CUL2: variants seen among roughly 807,000 people sequenced by gnomAD.
CUL2 encodes the protein cullin 2.
A neutral mutation model predicts 110.2 loss-of-function variants in CUL2; 22 were observed. The ratio of observed to expected loss-of-function variants is 0.20; its 90% CI spans 0.14 to 0.28. The LOEUF is 0.28. CUL2 is among the 10% of genes least tolerant of loss of function. The pLI, the probability that CUL2 is intolerant of heterozygous loss-of-function variation, is 1.00. For missense variants in CUL2, 631 were observed against 905.5 expected (o/e 0.70, Z 3.89); for synonymous variants, 279 against 293.2 (o/e 0.95, Z 0.49).
At position 35,010,259 on chromosome 10, in the gene CUL2, A is replaced by T; in HGVS notation, c.*52T>A. 6.6e-7 allele frequency: 1 copy of T among 1,525,456 alleles called. No individual in the cohort carries two copies. Among genetic ancestry groups the T allele is most frequent in the South Asian group, 1.3e-5 (1 of 76,574 alleles). The allele number at this position is 1,525,456 out of a possible 1,614,324, so 94.5% of individuals were successfully genotyped here. ...GTCCTGCTTTTTCCCACAGGAACACACCAAATGGTGATGGCAATGATCTTC... is the reference window on the plus strand; with the variant it reads ...GTCCTGCTTTTTCCCACAGGAACACTCCAAATGGTGATGGCAATGATCTTC... On this transcript the variant is annotated 3_prime_UTR_variant, in exon 21 of 21. Transcript: ENST00000374749.
chr10:35,044,705 A>C (rs2085889971), intron 7 of CUL2, 29 bp from the exon 8 acceptor site: 7 of 1,584,216 alleles, frequency 4.4e-6, no homozygotes, highest in Middle Eastern at 1.7e-4. Context: ...TCATATTAGA[A>C]GAAATTAGAA....
At chr10:35,055,148 A>C (rs2086211053) in intron 4 of CUL2, among the ~76,000 whole-genome samples, 1 of 152,256 alleles carries the variant, frequency 6.6e-6, no homozygotes, top group African/African-American at 2.4e-5. Flanking sequence ...AAATAAAATA[A>C]AACATGGAGA....
chr10:35,122,483 A>G (rs2087688695), intron 1 of CUL2, among the ~76,000 whole-genome samples: 1 of 152,220 alleles, frequency 6.6e-6, no homozygotes, highest in African/African-American at 2.4e-5. Flanking sequence ...AAGTCAACAA[A>G]CAAACTTGGC....
At chr10:35,066,513 T>C (rs1050827148) in intron 2 of CUL2, among the ~76,000 whole-genome samples, 2 of 152,174 alleles carry the variant, frequency 1.3e-5, no homozygotes, top group South Asian at 4.1e-4. Context: ...TTGGCCAGGC[T>C]GGTCTCAAAC....
At chr10:35,108,599 A>G (rs1407086391) in intron 1 of CUL2, among the ~76,000 whole-genome samples, 1 of 152,240 alleles carries the variant, frequency 6.6e-6, no homozygotes. Context: ...TATCAAAGAT[A>G]ATACCTGTTT....
upstream of CUL2, among the ~76,000 whole-genome samples, chr10:35,090,927 C>A (rs180988834): frequency 2.6e-5 from 4 of 152,330 alleles, no homozygotes; most frequent in African/African-American, 7.2e-5. Flanking sequence ...CTTCCATGGG[C>A]TTTGCAAATG....
chr10:35,077,751 G>T (rs1221365215), intron 1 of CUL2, among the ~76,000 whole-genome samples: 1 of 151,108 alleles, frequency 6.6e-6, no homozygotes, highest in East Asian at 1.9e-4. Flanking sequence ...CAGGAGGCGG[G>T]GGTTGCGGTG....
At chr10:35,089,709 A>G (rs1390274536) in intron 1 of CUL2, among the ~76,000 whole-genome samples, 3 of 152,224 alleles carry the variant, frequency 2.0e-5, no homozygotes, top group Non-Finnish European at 4.4e-5. Flanking sequence ...GGTTGAGACA[A>G]GAAGTCTAGC....
chr10:35,031,704 T>G lies in CUL2; in HGVS notation c.1171-85A>C. On this transcript the variant is annotated intron_variant, in intron 12 of 20. Coordinates refer to ENST00000374749, the MANE Select transcript of CUL2 (RefSeq NM_003591.4). This position sits in a 1 kb window ranked among gnomAD's most constrained non-coding sequence, Gnocchi z 4.4. ...AAGGAGGCAAAGTGGTGATACAAGGTAAGATCAGCGGACAGAATTTTTGCT... is the reference window on the plus strand; with the variant it reads ...AAGGAGGCAAAGTGGTGATACAAGGGAAGATCAGCGGACAGAATTTTTGCT... 1 of 1,460,902 alleles carries G rather than the reference T, an allele frequency of 6.8e-7. No individual in the cohort carries two copies. The highest frequency in any genetic ancestry group is 2.3e-5 in the East Asian group (1 of 43,864). The allele number at this position is 1,460,902 out of a possible 1,614,324, so 90.5% of individuals were successfully genotyped here. A position where few individuals can be genotyped will look rare whatever the true frequency, so the allele number is the denominator to read the frequency against.
At chr10:35,030,771 T>C (rs541806357) in intron 14 of CUL2, among the ~76,000 whole-genome samples, 1 of 152,298 alleles carries the variant, frequency 6.6e-6, no homozygotes, top group East Asian at 1.9e-4. Context: ...TGCACACCTA[T>C]TGTCCCAGCT....
At chr10:35,098,255 A>G (rs865955701) in intron 2 of CUL2, 12 of 152,196 alleles carry the variant, frequency 7.9e-5, no homozygotes, top group Non-Finnish European at 5.9e-5. Context: ...AAAAGAACTC[A>G]TTTTGAGGAA....
At chr10:35,097,148 T>C (rs2135099317) in intron 2 of CUL2, among the ~76,000 whole-genome samples, 1 of 152,252 alleles carries the variant, frequency 6.6e-6, no homozygotes, top group African/African-American at 2.4e-5. Flanking sequence ...TTATCTTATG[T>C]AAACTGTAGA....
At chr10:35,044,009 C>T (rs1299074996) in intron 8 of CUL2, among the ~76,000 whole-genome samples, 1 of 145,106 alleles carries the variant, frequency 6.9e-6, no homozygotes, top group African/African-American at 2.5e-5. Context: ...CATGATCAAG[C>T]CACTGCACTC....
At chr10:35,033,143 G>A in intron 11 of CUL2, 23 bp downstream of exon 11, 1 of 1,356,990 alleles carries the variant, frequency 7.4e-7, no homozygotes, top group Non-Finnish European at 1.1e-6. Context: ...TACATATATA[G>A]TATATATGTA....
chr10:35,052,093 C>T (rs1286490579), intron 5 of CUL2, among the ~76,000 whole-genome samples: 1 of 152,100 alleles, frequency 6.6e-6, no homozygotes, highest in Non-Finnish European at 1.5e-5. Context: ...GTACTGAAAA[C>T]CAATTTTTTG....
At chr10:35,033,552 C>T (rs188318011) in intron 10 of CUL2, among the ~76,000 whole-genome samples, 14 of 151,778 alleles carry the variant, frequency 9.2e-5, no homozygotes, top group East Asian at 3.9e-4. Flanking sequence ...CTGGCCAACA[C>T]GGTGAAACCC....
rs2085702264 is a variant in CUL2, at chr10:35,038,860, G to A, written c.877+60C>T. On this transcript the variant is annotated intron_variant, in intron 9 of 20. Coordinates refer to ENST00000374749, the MANE Select transcript of CUL2 (RefSeq NM_003591.4). ...ATAGGCATTAAATCAAGGGTGACTA[G>A]AGGATGATATAAAAGGTGGATTTAT... 3.5e-6 allele frequency: 4 copies of A among 1,135,564 alleles called. No homozygotes were observed. In the Admixed American group the frequency reaches 1.0e-4, roughly 29 times the overall value. 70.3% of individuals were successfully genotyped at this position (1,135,564 alleles called of 1,614,324 possible).
intron 1 of CUL2, among the ~76,000 whole-genome samples, chr10:35,117,622 T>C (rs1479977416): frequency 6.6e-6 from 1 of 151,852 alleles, no homozygotes; most frequent in African/African-American, 2.4e-5. Flanking sequence ...AAGTGAAATA[T>C]ATGGCAACAT....
chr10:35,054,539 C>T lies in CUL2; in HGVS notation c.318G>A (p.Arg106=). Residue 106 remains arginine (R), a splice_region_variant and synonymous_variant, in exon 5 of 21, where the codon AGG becomes AGA. Transcript: ENST00000374749. ...TTTTAATAAACTGGGTGTTGAGATA[C>T]CTGGAAAATAAATGTAATATCAATG... The part of the protein sequence containing the change: ...KGADYMDCLY[R]YLNTQFIKKN... 1 of 1,529,096 alleles carries T rather than the reference C, an allele frequency of 6.5e-7. No homozygotes were observed. The highest frequency in any genetic ancestry group is 8.9e-7 in the Non-Finnish European group (1 of 1,120,016). 94.7% of individuals were successfully genotyped at this position (1,529,096 alleles called of 1,614,324 possible).
Sources: allele counts gnomAD v4.1 joint callset (sites outside exome capture counted in the v4.1 genomes callset), GRCh38; gene constraint gnomAD v4.1.1; non-coding constraint Gnocchi (gnomAD v3.1); transcripts MANE v1.5; gene names NCBI Gene and HGNC (gene_info 2026-07-23, HGNC 2026-07-21).